Variants in FCRL1 observed in about 807,000 individuals in gnomAD.
FCRL1 encodes the protein Fc receptor-like protein 1.
FCRL1 carries 34 observed loss-of-function variants against 49.2 expected under a neutral mutation model. The observed-to-expected ratio is 0.69, with a 90% CI of 0.53 to 0.92. FCRL1 has a LOEUF of 0.92. FCRL1 is among the 40% of genes least tolerant of loss of function. FCRL1 has a pLI of 0.00. For synonymous variants in FCRL1, 218 were observed against 201.6 expected (o/e 1.08, Z -0.69); for missense variants, 524 against 524.1 (o/e 1.00, Z 0.00).
At chr1:157,814,610 G>A (rs1073857) in intron 1 of FCRL1, among the ~76,000 whole-genome samples, 66,756 of 151,668 alleles carry the variant, frequency 0.44, 15,007 homozygotes, top group African/African-American at 0.53. Flanking sequence ...AGTTAAGTCC[G>A]TACCTATCCA....
chr1:157,817,815 A>G (rs902238623), intron 1 of FCRL1, among the ~76,000 whole-genome samples: 6 of 152,176 alleles, frequency 3.9e-5, no homozygotes, highest in African/African-American at 7.2e-5. Flanking sequence ...TAAGAAACTC[A>G]AACAACTCAA....
chr1:157,795,709 T>A lies in FCRL1; in HGVS notation c.*390A>T, dbSNP rs1255108673. 6.0e-6 allele frequency: 1 copy of A among 168,054 alleles called. No homozygotes were observed. The highest frequency in any genetic ancestry group is 1.3e-5 in the Non-Finnish European group (1 of 77,146). The allele number at this position is 168,054 out of a possible 1,614,324, so 10.4% of individuals were successfully genotyped here. ...ACTTGGACTGAATGATGGGCACAGC[T>A]CTCTCTGTGAAGTCCTGCAGAGTCA... On this transcript the variant is annotated 3_prime_UTR_variant, in exon 11 of 11. Transcript: ENST00000368176.
chr1:157,799,976 G>A, intron 7 of FCRL1, 82 bp downstream of exon 7: 1 of 1,323,420 alleles, frequency 7.6e-7, no homozygotes, highest in Admixed American at 2.1e-5. Context: ...GAAAAAAAAT[G>A]CTCAGGAGAG....
intron 1 of FCRL1, among the ~76,000 whole-genome samples, chr1:157,812,057 G>A (rs1414756520): frequency 6.6e-6 from 1 of 152,252 alleles, no homozygotes; most frequent in East Asian, 1.9e-4. Context: ...CCTGCCCCTA[G>A]GGAAGCCACA....
At chr1:157,811,250 C>T (rs1477314540) in intron 1 of FCRL1, among the ~76,000 whole-genome samples, 1 of 152,152 alleles carries the variant, frequency 6.6e-6, no homozygotes, top group African/African-American at 2.4e-5. Context: ...AATAAGGAAA[C>T]AACTACATTT....
chr1:157,800,161 C>T, intron 6 of FCRL1, 76 bp from the exon 7 acceptor site: 2 of 1,442,646 alleles, frequency 1.4e-6, no homozygotes, highest in East Asian at 2.3e-5. Context: ...TTTCATACCC[C>T]CTGCACAGGG....
rs754539838 is a variant in FCRL1, at chr1:157,797,851, A to G, written c.1186+17T>C. 6 of 1,613,490 alleles carry G rather than the reference A, an allele frequency of 3.7e-6. No homozygotes were observed. The East Asian group carries it at 1.3e-4, about 36-fold the overall frequency. On this transcript the variant is annotated intron_variant, in intron 9 of 10. Transcript: ENST00000368176. ...AAAGACAAAAGTCAGAGACAAATTTACTCCCCCATGTCTCACCTGCTACTG... is the reference window on the plus strand; with the variant it reads ...AAAGACAAAAGTCAGAGACAAATTTGCTCCCCCATGTCTCACCTGCTACTG...
chr1:157,797,088 T>G lies in FCRL1; in HGVS notation c.1218+13A>C. On this transcript the variant is annotated intron_variant, in intron 10 of 10. Coordinates refer to ENST00000368176, the MANE Select transcript of FCRL1 (RefSeq NM_052938.5). ...AGAAAGAACATGGAAGAAAGAACAA[T>G]AGAGACTCTTACCTTGTCCTCCATA... The G allele has an allele frequency of 6.2e-7, 1 of 1,613,204 alleles. No individual in the cohort carries two copies. Among genetic ancestry groups the G allele is most frequent in the Non-Finnish European group, 8.5e-7 (1 of 1,179,246 alleles).
chr1:157,818,261 A>C (rs1353290125), intron 1 of FCRL1, among the ~76,000 whole-genome samples: 1 of 152,170 alleles, frequency 6.6e-6, no homozygotes, highest in Non-Finnish European at 1.5e-5. Context: ...GTAGATGTTC[A>C]TCAAAAAATT....
rs767648448 is a variant in FCRL1 at position 157,802,010 on chromosome 1, A to G, written c.791T>C (p.Leu264Pro). The G allele has an allele frequency of 1.2e-6, 2 of 1,614,098 alleles. No individual in the cohort carries two copies. The highest frequency in any genetic ancestry group is 1.3e-5 in the African/African-American group (1 of 74,942). ...TCCAGAATGTTCTTCAGTCAGGGAA[A>G]GGTTGAAGGAGGCTCCTCCTCCAGA... Reference protein sequence around the residue: ...APSGGGASFNLSLTEEHSGNY... With the variant: ...APSGGGASFNPSLTEEHSGNY... Residue 264 changes from leucine to proline, a missense_variant, in exon 5 of 11, where the codon CTT (leucine) becomes CCT (proline). By Grantham distance (98) the Leu-to-Pro change is moderately conservative. Transcript: ENST00000368176.
intron 5 of FCRL1, 100 bp downstream of exon 5, chr1:157,801,815 T>C (rs1467695867): frequency 7.1e-7 from 1 of 1,415,386 alleles, no homozygotes; most frequent in Non-Finnish European, 9.6e-7. Context: ...GGCCCCACCA[T>C]GGGTAGCAAA....
At chr1:157,807,215 C>T (rs1398336522) in intron 1 of FCRL1, 93 bp from the exon 2 acceptor site, 23 of 1,318,372 alleles carry the variant, frequency 1.7e-5, no homozygotes, top group Non-Finnish European at 1.9e-5. Context: ...AACACCACAC[C>T]CTCCATCCCC....
chr1:157,800,261 A>G (rs908615173), intron 6 of FCRL1, among the ~76,000 whole-genome samples, 176 bp from the exon 7 acceptor site: 8 of 152,168 alleles, frequency 5.3e-5, no homozygotes, highest in Admixed American at 1.3e-4. Context: ...CATTTCACAG[A>G]TGGAAACTCA....
At chr1:157,815,666 T>C (rs1236958376) in intron 1 of FCRL1, among the ~76,000 whole-genome samples, 2 of 151,336 alleles carry the variant, frequency 1.3e-5, no homozygotes, top group Non-Finnish European at 3.0e-5. Context: ...ATGAAATGAG[T>C]CAGTCTTTTA....
chr1:157,816,862 T>C (rs1055253285), intron 1 of FCRL1, among the ~76,000 whole-genome samples: 14 of 151,738 alleles, frequency 9.2e-5, no homozygotes, highest in African/African-American at 3.1e-4. Flanking sequence ...TATATACTAA[T>C]AGTGAACTAC....
chr1:157,799,926 T>A lies in FCRL1; in HGVS notation c.1031+132A>T, dbSNP rs1243025683. ...ACAATGAATTGTTCAAAGTTGCCAG[T>A]GGGAGAACTCAGGAGTGAGTTCTGG... On this transcript the variant is annotated intron_variant, in intron 7 of 10. Transcript: ENST00000368176. 5.7e-6 allele frequency: 3 copies of A among 526,718 alleles called. No homozygotes were observed. The African/African-American group carries it at 5.8e-5, about 10-fold the overall frequency. The allele number at this position is 526,718 out of a possible 1,614,324, so 32.6% of individuals were successfully genotyped here.
chr1:157,813,091 A>G (rs1205580522), intron 1 of FCRL1, among the ~76,000 whole-genome samples: 1 of 152,196 alleles, frequency 6.6e-6, no homozygotes, highest in Non-Finnish European at 1.5e-5. Flanking sequence ...TCGGCACCCT[A>G]GGATCAATCT....
At chr1:157,819,721 C>G (rs1024831923) in intron 1 of FCRL1, among the ~76,000 whole-genome samples, 1 of 152,080 alleles carries the variant, frequency 6.6e-6, no homozygotes, top group African/African-American at 2.4e-5. Context: ...CTTTTGGCAG[C>G]TGTTGAAAAC....
rs780013617 is a variant in FCRL1, at chr1:157,803,993, G to T, written c.171C>A (p.Asp57Glu). The change falls in exon 3 of 11, where the codon GAC (aspartate) becomes GAA (glutamate). Residue 57 changes from aspartate (D) to glutamate (E), a missense_variant. Physicochemically the swap from Asp to Glu is conservative, Grantham distance 45 (BLOSUM62 2). Transcript: ENST00000368176. ...TCCAGCCTGGGCCCAAGGCCCGGGTGTCTCTGAAAAAGCAGAACTGGAACT... is the reference window on the plus strand; with the variant it reads ...TCCAGCCTGGGCCCAAGGCCCGGGTTTCTCTGAAAAAGCAGAACTGGAACT... ...DAQFQFCFFRDTRALGPGWSS... is the reference protein window; with the variant it reads ...DAQFQFCFFRETRALGPGWSS... 1 of 1,614,070 alleles carries T rather than the reference G, an allele frequency of 6.2e-7. No individual in the cohort carries two copies. The highest frequency in any genetic ancestry group is 8.5e-7 in the Non-Finnish European group (1 of 1,180,042).
Sources: allele counts gnomAD v4.1 joint callset (sites outside exome capture counted in the v4.1 genomes callset), GRCh38; gene constraint gnomAD v4.1.1; transcripts MANE v1.5; gene names NCBI Gene and HGNC (gene_info 2026-07-23, HGNC 2026-07-21).